The following TOR2A variants were observed in gnomAD, a reference collection of about 807,000 sequenced individuals.
TOR2A encodes the protein torsin family 2 member A.
In TOR2A, 24 loss-of-function variants were observed where a neutral mutation model predicts 28.6. That is an observed-to-expected ratio of 0.84 (90% CI 0.61 to 1.18). The LOEUF is 1.18. Among genes scored for constraint, TOR2A ranks in the 50% most tolerant of loss-of-function variants. The pLI, the probability that TOR2A is intolerant of heterozygous loss-of-function variation, is 0.00. For missense variants in TOR2A, 426 were observed against 448.1 expected (o/e 0.95, Z 0.45); for synonymous variants, 203 against 203.1 (o/e 1.00, Z 0.00).
rs1425555177 is a variant in TOR2A at position 127,732,146 on chromosome 9, T to C, written c.854A>G (p.Asp285Gly). The change falls in exon 5 of 5, where the codon GAT (aspartate) becomes GGT (glycine). Residue 285 changes from aspartate to glycine, a missense_variant. Asp to Gly is a moderately conservative substitution (Grantham distance 94). Transcript: ENST00000373284. ...GTCCAGCACAGCCTGGACAACCTCA[T>C]CCCTTGGCTCCAGGCCCAGCTGGGC... ...ELAQLGLEPR[D>G]EVVQAVLDST... 1 of 1,613,418 alleles carries C rather than the reference T, an allele frequency of 6.2e-7. No homozygotes were observed. Among genetic ancestry groups the C allele is most frequent in the East Asian group, 2.2e-5 (1 of 44,896 alleles).
chr9:127,735,065 T>C, intron 1 of TOR2A, 55 bp downstream of exon 1: 1 of 1,380,996 alleles, frequency 7.2e-7, no homozygotes, highest in Non-Finnish European at 9.3e-7. Context: ...CTCCCAGCGC[T>C]CCCGCGTCTG....
intron 2 of TOR2A, chr9:127,734,019 G>A (rs147446143): frequency 1.8e-5 from 8 of 440,352 alleles, no homozygotes; most frequent in Non-Finnish European, 3.2e-5. Flanking sequence ...GACAAACATA[G>A]GTGCTCCATA....
intron 2 of TOR2A, 47 bp from the exon 3 acceptor site, chr9:127,733,607 C>CA: frequency 6.6e-7 from 1 of 1,520,684 alleles, no homozygotes; most frequent in Non-Finnish European, 8.8e-7. Context: ...GAAACTCCCC[C>CA]AACACCAGAC....
rs1197940318 is a variant in TOR2A at position 127,731,742 on chromosome 9, G to A, written c.*292C>T. On this transcript the variant is annotated 3_prime_UTR_variant, in exon 5 of 5. Transcript: ENST00000373284. ...GGTGGCAGACTGAGGAGGGAGCACC[G>A]CCACGAGCCACAGTCCCTGAGTTAT... The A allele has an allele frequency of 9.1e-6, 6 of 659,568 alleles. No individual in the cohort carries two copies. The highest frequency in any genetic ancestry group is 6.4e-5 in the East Asian group (2 of 31,058). The allele number at this position is 659,568 out of a possible 1,614,324, so 40.9% of individuals were successfully genotyped here.
rs1420391938 is a variant in TOR2A at position 127,731,984 on chromosome 9, T to TGGCC, written c.*49_*50insGGCC. 5 of 1,575,996 alleles carry TGGCC rather than the reference T, an allele frequency of 3.2e-6. No homozygotes were observed. Among genetic ancestry groups the TGGCC allele is most frequent in the Non-Finnish European group, 4.3e-6 (5 of 1,160,484 alleles). On this transcript the variant is annotated 3_prime_UTR_variant, in exon 5 of 5. Transcript: ENST00000373284. Reference sequence around the variant, plus strand: ...GTTCCTGTGACAGAGGCCCCTGGCCTTTCCTGCATGGCCTGGCCATCAGGG... The same window carrying TGGCC: ...GTTCCTGTGACAGAGGCCCCTGGCCTGGCCTTCCTGCATGGCCTGGCCATCAGGG...
Position 127,735,265 on chromosome 9 carries a change from C to T in TOR2A, c.6G>A (p.Ala2=). 2.1e-6 allele frequency: 3 copies of T among 1,400,164 alleles called. No homozygotes were observed. The highest frequency in any genetic ancestry group is 2.8e-6 in the Non-Finnish European group (3 of 1,086,872). 86.7% of individuals were successfully genotyped at this position (1,400,164 alleles called of 1,614,324 possible). A position where few individuals can be genotyped will look rare whatever the true frequency, so the allele number is the denominator to read the frequency against. The stretch of plus-strand genomic sequence containing the variant: ...AGGGCCGGCAGCCGCGCGTCGCAGC[C>T]GCCATCCGGGTGAGGCCCGAGCTCG... The part of the protein sequence containing the change: M[A]AATRGCRPWG... The change falls in exon 1 of 5, where the codon GCG becomes GCA. Residue 2 remains alanine, a synonymous_variant. Transcript: ENST00000373284.
Position 127,732,093 on chromosome 9 carries a change from G to A in TOR2A, c.907C>T (p.Gln303Ter). 1 of 1,613,900 alleles carries A rather than the reference G, an allele frequency of 6.2e-7. No homozygotes were observed. The highest frequency in any genetic ancestry group is 8.5e-7 in the Non-Finnish European group (1 of 1,180,014). ...DSTTFFPEDE[Q>*]LFSSNGCKTV... ...TTGCAGCCGTTGGAGGAGAAGAGCT[G>A]CTCGTCTTCAGGGAAGAAGGTGGTG... is the stretch of plus-strand genomic sequence containing the variant. The change falls in exon 5 of 5, where the codon CAG (glutamine) becomes TAG (stop). Residue 303 changes from glutamine (Q) to a stop codon, truncating the protein, a stop_gained. Transcript: ENST00000373284. LOFTEE classifies it high-confidence loss of function.
intron 2 of TOR2A, 129 bp downstream of exon 2, chr9:127,734,170 G>T: frequency 8.1e-7 from 1 of 1,236,700 alleles, no homozygotes; most frequent in Non-Finnish European, 1.1e-6. Context: ...TGTGCAGGAT[G>T]GGTCCTGAGG....
intron 1 of TOR2A, 104 bp from the exon 2 acceptor site, chr9:127,734,668 G>T (rs1248542907): frequency 7.7e-7 from 1 of 1,297,006 alleles, no homozygotes; most frequent in African/African-American, 1.5e-5. Flanking sequence ...CCTTACGTTT[G>T]TCCAAGCTGC....
Position 127,732,092 on chromosome 9 carries a change from T to C in TOR2A, c.908A>G (p.Gln303Arg), listed in dbSNP as rs747509649. 3 of 1,613,876 alleles carry C rather than the reference T, an allele frequency of 1.9e-6. No individual in the cohort carries two copies. In the East Asian group the frequency reaches 6.7e-5, roughly 36 times the overall value. Residue 303 changes from glutamine to arginine, a missense_variant, in exon 5 of 5, where the codon CAG (glutamine) becomes CGG (arginine). By Grantham distance (43) the Gln-to-Arg change is conservative. Transcript: ENST00000373284. ...DSTTFFPEDE[Q>R]LFSSNGCKTV... is the part of the protein sequence containing the mutation. ...CTTGCAGCCGTTGGAGGAGAAGAGC[T>C]GCTCGTCTTCAGGGAAGAAGGTGGT...
At position 127,731,771 on chromosome 9, in the gene TOR2A, T is replaced by G; in HGVS notation, c.*263A>C. 8.4e-6 allele frequency: 6 copies of G among 712,948 alleles called. No individual in the cohort carries two copies. Among genetic ancestry groups the G allele is most frequent in the Non-Finnish European group, 1.3e-5 (6 of 462,560 alleles). 44.2% of individuals were successfully genotyped at this position (712,948 alleles called of 1,614,324 possible). A position where few individuals can be genotyped will look rare whatever the true frequency, so the allele number is the denominator to read the frequency against. Reference sequence around the variant, plus strand: ...CGAGCCACAGTCCCTGAGTTATAATTCACAGTAAGAAGGCTCAGGCTGCAG... The same window carrying G: ...CGAGCCACAGTCCCTGAGTTATAATGCACAGTAAGAAGGCTCAGGCTGCAG... On this transcript the variant is annotated 3_prime_UTR_variant, in exon 5 of 5. Coordinates refer to ENST00000373284, the MANE Select transcript of TOR2A (RefSeq NM_001085347.3).
At chr9:127,734,717 A>G in intron 1 of TOR2A, 153 bp from the exon 2 acceptor site, 1 of 943,438 alleles carries the variant, frequency 1.1e-6, no homozygotes, top group Non-Finnish European at 1.4e-6. Context: ...TCTGTGGCGG[A>G]AAAGAGCCAC....
At position 127,733,561 on chromosome 9, in the gene TOR2A, C is replaced by T; in HGVS notation, c.418-1G>A. On this transcript the variant is annotated splice_acceptor_variant, in intron 2 of 4. Transcript: ENST00000373284. LOFTEE classifies it high-confidence loss of function. ...CTTGGACCCAGCTCTTCAGATCCTT[C>T]TGTAGGGGAGAGACAGGAGTTCCAG... The T allele has an allele frequency of 1.2e-6, 2 of 1,607,178 alleles. No homozygotes were observed. The highest frequency in any genetic ancestry group is 1.7e-6 in the Non-Finnish European group (2 of 1,176,884).
rs371270860 is a variant in TOR2A at position 127,732,629 on chromosome 9, C to T, written c.656G>A (p.Arg219His). ...CAGCTCCTGCAGGAGGATCTCCTCG[C>T]GGTCCCGCCGGCTGCGCCACGCCTC... ...ALEAWRSRRDREEILLQELEP... is the reference protein window; with the variant it reads ...ALEAWRSRRDHEEILLQELEP... The change falls in exon 4 of 5, where the codon CGC becomes CAC. Residue 219 changes from arginine (R) to histidine (H), a missense_variant. Coordinates refer to ENST00000373284, the MANE Select transcript of TOR2A (RefSeq NM_001085347.3). The T allele has an allele frequency of 9.5e-6, 15 of 1,574,198 alleles. No homozygotes were observed. Among genetic ancestry groups the T allele is most frequent in the South Asian group, 5.8e-5 (5 of 85,964 alleles).
At chr9:127,734,209 A>G in intron 2 of TOR2A, 90 bp downstream of exon 2, 1 of 1,464,656 alleles carries the variant, frequency 6.8e-7, no homozygotes, top group Non-Finnish European at 9.1e-7. Context: ...TGTGGCCTGG[A>G]GCAGGTGACT....
chr9:127,733,113 C>T (rs1322609684), intron 3 of TOR2A: 1 of 1,513,916 alleles, frequency 6.6e-7, no homozygotes, highest in Non-Finnish European at 8.8e-7. Flanking sequence ...GTGTCCTCCT[C>T]ACCACAAAAG....
intron 1 of TOR2A, chr9:127,734,852 T>C: frequency 1.9e-6 from 1 of 539,460 alleles, no homozygotes; most frequent in Non-Finnish European, 3.0e-6. Context: ...CGCACTGCAC[T>C]TCTCCTTTGA....
chr9:127,734,583 G>T lies in TOR2A; in HGVS notation c.152-19C>A. 6.7e-7 allele frequency: 1 copy of T among 1,486,528 alleles called. No homozygotes were observed. The highest frequency in any genetic ancestry group is 8.9e-7 in the Non-Finnish European group (1 of 1,120,074). 92.1% of individuals were successfully genotyped at this position (1,486,528 alleles called of 1,614,324 possible). Reference sequence around the variant, plus strand: ...TCCAGACCTAGGGCCACAGGAGGATGGTGAGGACACATCCCACCGAGGCAG... The same window carrying T: ...TCCAGACCTAGGGCCACAGGAGGATTGTGAGGACACATCCCACCGAGGCAG... On this transcript the variant is annotated intron_variant, in intron 1 of 4. Coordinates refer to ENST00000373284, the MANE Select transcript of TOR2A (RefSeq NM_001085347.3).
chr9:127,732,505 G>A, intron 4 of TOR2A, 59 bp downstream of exon 4: 1 of 1,514,242 alleles, frequency 6.6e-7, no homozygotes, highest in Non-Finnish European at 8.8e-7. Context: ...CCCCGGGAGA[G>A]CCTGGCCCCT....
Sources: allele counts gnomAD v4.1 joint callset, GRCh38; gene constraint gnomAD v4.1.1; transcripts MANE v1.5; gene names NCBI Gene and HGNC (gene_info 2026-07-23, HGNC 2026-07-21).